ACTA2: variants seen among roughly 807,000 people sequenced by gnomAD.
ACTA2 encodes actin, aortic smooth muscle.
Under a neutral mutation model 39.5 loss-of-function variants are expected in ACTA2, and 12 were observed. That is an observed-to-expected ratio of 0.30 (90% CI 0.19 to 0.49). The LOEUF (loss-of-function observed/expected upper bound fraction) is 0.49, where lower values mean the gene tolerates loss of function less well. Ranked by LOEUF, ACTA2 falls within the 20% of genes least tolerant of loss-of-function variation. The pLI, the probability that ACTA2 is intolerant of heterozygous loss-of-function variation, is 0.99. For synonymous variants in ACTA2, 158 were observed against 180.6 expected (o/e 0.88, Z 1.00); for missense variants, 236 against 498.8 (o/e 0.47, Z 5.02).
intron 1 of ACTA2, among the ~76,000 whole-genome samples, chr10:88,987,832 T>C (rs541873879): frequency 4.6e-5 from 7 of 152,360 alleles, no homozygotes; most frequent in African/African-American, 1.7e-4. Context: ...ATCTTAGATG[T>C]TTCTGTAAAG....
chr10:88,935,354 G>A lies in ACTA2; in HGVS notation c.1003C>T (p.Pro335Ser). ...ATCCAGACAGAGTATTTGCGCTCCG[G>A]AGGGGCAATGATCTGTCAGTCAAGA... ...STMKIKIIAP[P>S]ERKYSVWIGG... The change falls in exon 9 of 9, where the codon CCG (proline) becomes TCG (serine). Residue 335 changes from proline (P) to serine (S), a missense_variant. Physicochemically the swap from Pro to Ser is moderately conservative, Grantham distance 74. Coordinates refer to ENST00000224784, the MANE Select transcript of ACTA2 (RefSeq NM_001613.4). 6.2e-7 allele frequency: 1 copy of A among 1,613,872 alleles called. No individual in the cohort carries two copies. The highest frequency in any genetic ancestry group is 8.5e-7 in the Non-Finnish European group (1 of 1,179,796).
At chr10:88,986,217 T>C (rs1331265758) in intron 1 of ACTA2, among the ~76,000 whole-genome samples, 1 of 152,186 alleles carries the variant, frequency 6.6e-6, no homozygotes, top group Non-Finnish European at 1.5e-5. Flanking sequence ...TCAACATCTC[T>C]TGAAAAGTGG....
At chr10:88,945,720 G>A (rs1347363409) in intron 3 of ACTA2, among the ~76,000 whole-genome samples, 1 of 152,152 alleles carries the variant, frequency 6.6e-6, no homozygotes, top group Non-Finnish European at 1.5e-5. Context: ...TCAGTGTGTG[G>A]AGAGGCATTC....
chr10:88,966,944 G>C (rs1030768204), intron 1 of ACTA2, among the ~76,000 whole-genome samples: 3 of 152,208 alleles, frequency 2.0e-5, no homozygotes, highest in Non-Finnish European at 4.4e-5. Flanking sequence ...CCTGAGGCTT[G>C]AGTGAGAAGA....
chr10:88,963,850 G>C (rs996215650), intron 1 of ACTA2, among the ~76,000 whole-genome samples: 13 of 152,022 alleles, frequency 8.6e-5, no homozygotes, highest in African/African-American at 3.1e-4. Context: ...CATTCCGGCA[G>C]GTTTTCTTAA....
At chr10:88,957,830 C>T (rs747152800) in intron 1 of ACTA2, among the ~76,000 whole-genome samples, 1 of 151,948 alleles carries the variant, frequency 6.6e-6, no homozygotes, top group Non-Finnish European at 1.5e-5. Context: ...TGCAGTGGTG[C>T]GACCTCGGCT....
At chr10:88,985,836 G>C (rs1846864575) in intron 1 of ACTA2, among the ~76,000 whole-genome samples, 1 of 152,240 alleles carries the variant, frequency 6.6e-6, no homozygotes, top group African/African-American at 2.4e-5. Context: ...GTCTAAAGTA[G>C]AGAGAAAGCG....
At chr10:88,967,409 T>C (rs545664263) in intron 1 of ACTA2, among the ~76,000 whole-genome samples, 1 of 152,296 alleles carries the variant, frequency 6.6e-6, no homozygotes, top group South Asian at 2.1e-4. Context: ...TTTTCATCTA[T>C]AAAATGAGAA....
intron 1 of ACTA2, among the ~76,000 whole-genome samples, 172 bp from the exon 2 acceptor site, chr10:88,949,125 A>G (rs564780643): frequency 1.3e-5 from 2 of 152,332 alleles, no homozygotes; most frequent in African/African-American, 4.8e-5. Context: ...TTACACTATA[A>G]GCTTTCAGTA....
At chr10:88,980,539 G>C (rs1053027056) in intron 1 of ACTA2, among the ~76,000 whole-genome samples, 1 of 147,278 alleles carries the variant, frequency 6.8e-6, no homozygotes, top group Non-Finnish European at 1.5e-5. Context: ...TAGAGTCCAG[G>C]AAGGCAAGGA....
At position 88,973,278 on chromosome 10, in the gene ACTA2, A is replaced by T. The variant is rs767473384; in HGVS notation, c.-24+17661T>A. On this transcript the variant is annotated intron_variant, in intron 1 of 4. Coordinates refer to the ACTA2 transcript ENST00000415557. Reference sequence around the variant, plus strand: ...ACCAAATGGATTCCCACTCTTGGGGATCTCTAGGTCATCATCACCATCTGA... The same window carrying T: ...ACCAAATGGATTCCCACTCTTGGGGTTCTCTAGGTCATCATCACCATCTGA... 5.6e-6 allele frequency: 9 copies of T among 1,612,220 alleles called. No individual in the cohort carries two copies. In the Middle Eastern group the frequency reaches 6.6e-4, roughly 118 times the overall value.
chr10:88,981,683 G>C (rs1846714979), intron 1 of ACTA2, among the ~76,000 whole-genome samples: 1 of 152,172 alleles, frequency 6.6e-6, no homozygotes, highest in African/African-American at 2.4e-5. Flanking sequence ...ACTGTAGGGA[G>C]GGAGAGAGAG....
Position 88,990,643 on chromosome 10 carries a change from G to C in ACTA2, c.-24+296C>G, listed in dbSNP as rs769222279. 3 of 695,452 alleles carry C rather than the reference G, an allele frequency of 4.3e-6. No homozygotes were observed. The highest frequency in any genetic ancestry group is 3.0e-5 in the South Asian group (2 of 66,626). The allele number at this position is 695,452 out of a possible 1,614,324, so 43.1% of individuals were successfully genotyped here. On this transcript the variant is annotated intron_variant, in intron 1 of 4. Transcript: ENST00000415557. The surrounding 1 kb of genome is among the most constrained non-coding windows in gnomAD (Gnocchi z 4.9). ...GACCACCGGGGCTTTTCGTGAGCTC[G>C]TCTCTGATCTCGCGCAAGAGTGACA...
At chr10:88,943,683 T>C in intron 4 of ACTA2, 114 bp downstream of exon 4, 1 of 841,994 alleles carries the variant, frequency 1.2e-6, no homozygotes, top group Non-Finnish European at 2.0e-6. Flanking sequence ...TGAAGGCTGT[T>C]AGTCTGTTGG....
chr10:88,939,479 TC>T, intron 7 of ACTA2, 27 bp downstream of exon 7: 2 of 1,612,038 alleles, frequency 1.2e-6, no homozygotes, highest in South Asian at 1.1e-5. Flanking sequence ...TGACTCCCCT[TC>T]CCAGGAAAAG....
chr10:88,975,571 G>A (rs1846543906), intron 1 of ACTA2, among the ~76,000 whole-genome samples: 3 of 152,118 alleles, frequency 2.0e-5, no homozygotes, highest in Non-Finnish European at 1.5e-5. Flanking sequence ...AAATAAATGT[G>A]TGGGCTCTGG....
At chr10:88,967,725 C>A (rs1054630417) in intron 1 of ACTA2, among the ~76,000 whole-genome samples, 3 of 152,000 alleles carry the variant, frequency 2.0e-5, no homozygotes, top group Non-Finnish European at 2.9e-5. Flanking sequence ...TGGTAAAGAC[C>A]AATACAAGGA....
chr10:88,990,156 C>T lies in ACTA2; in HGVS notation c.-24+783G>A, dbSNP rs1238559842. Among the ~76,000 whole-genome samples, 2 of 152,170 alleles carry T rather than the reference C, an allele frequency of 1.3e-5. No individual in the cohort carries two copies. The highest frequency in any genetic ancestry group is 3.8e-4 in the East Asian group (2 of 5,196). ...CTAAGGGGCCCTCCCTTTTCAGAGC[C>T]CTATGGCGCAACATCTGTACTTTTT... On this transcript the variant is annotated intron_variant, in intron 1 of 4. Transcript: ENST00000415557. The surrounding 1 kb of genome is among the most constrained non-coding windows in gnomAD (Gnocchi z 4.9).
chr10:88,990,488 G>T lies in ACTA2; in HGVS notation c.-24+451C>A. On this transcript the variant is annotated intron_variant, in intron 1 of 4. Coordinates refer to the ACTA2 transcript ENST00000415557. This position sits in a 1 kb window ranked among gnomAD's most constrained non-coding sequence, Gnocchi z 4.9. ...CCCCGGGACAGGAATGCCCATTTGT[G>T]CAACGAACCCTGACTCCTTCCTCAC... The T allele has an allele frequency of 1.8e-6, 1 of 561,354 alleles. No individual in the cohort carries two copies. The highest frequency in any genetic ancestry group is 3.4e-6 in the Non-Finnish European group (1 of 295,292). 34.8% of individuals were successfully genotyped at this position (561,354 alleles called of 1,614,324 possible).
Sources: allele counts gnomAD v4.1 joint callset (sites outside exome capture counted in the v4.1 genomes callset), GRCh38; gene constraint gnomAD v4.1.1; non-coding constraint Gnocchi (gnomAD v3.1); transcripts MANE v1.5; gene names NCBI Gene and HGNC (gene_info 2026-07-23, HGNC 2026-07-21).